Variants in ADAMTSL1 observed in about 807,000 individuals in gnomAD.
ADAMTSL1 encodes ADAMTS-like protein 1.
A neutral mutation model predicts 201.8 loss-of-function variants in ADAMTSL1; 126 were observed. The observed-to-expected ratio is 0.62, with a 90% CI of 0.54 to 0.72. The LOEUF is 0.72. Among genes scored for constraint, ADAMTSL1 ranks in the 30% least tolerant of loss-of-function variants. The pLI is 0.00. For synonymous variants in ADAMTSL1, 1,121 were observed against 903.4 expected (o/e 1.24, Z -4.32); for missense variants, 2,679 against 2,277.8 (o/e 1.18, Z -3.59).
chr9:18,201,695 A>T (rs1829453458), intron 2 of ADAMTSL1, among the ~76,000 whole-genome samples: 1 of 152,140 alleles, frequency 6.6e-6, no homozygotes, highest in South Asian at 2.1e-4. Context: ...CTCTGCTCTC[A>T]TTCTTATAGT....
chr9:18,398,378 G>A (rs1817833143), intron 2 of ADAMTSL1, among the ~76,000 whole-genome samples: 1 of 152,124 alleles, frequency 6.6e-6, no homozygotes, highest in Non-Finnish European at 1.5e-5. Flanking sequence ...ATCAGATACA[G>A]CTATATGCAA....
chr9:17,953,323 A>G (rs956789350), intron 1 of ADAMTSL1, among the ~76,000 whole-genome samples: 1 of 152,212 alleles, frequency 6.6e-6, no homozygotes, highest in South Asian at 2.1e-4. Flanking sequence ...TTCACACTCT[A>G]TTGGCAGAAC....
At chr9:18,101,068 CTCTT>C (rs1824493386) in intron 1 of ADAMTSL1, among the ~76,000 whole-genome samples, 1 of 152,112 alleles carries the variant, frequency 6.6e-6, no homozygotes. Context: ...TCTTTTCTTT[CTCTT>C]TCTGTCATCT....
intron 20 of ADAMTSL1, among the ~76,000 whole-genome samples, chr9:18,813,404 T>C (rs978364762): frequency 6.6e-6 from 1 of 152,228 alleles, no homozygotes. Flanking sequence ...AATCTGTAAA[T>C]TGCTTTGTAC....
At chr9:18,650,270 C>A (rs978270660) in intron 7 of ADAMTSL1, among the ~76,000 whole-genome samples, 5 of 152,180 alleles carry the variant, frequency 3.3e-5, no homozygotes, top group Non-Finnish European at 7.3e-5. Context: ...GTGGGAGTGA[C>A]CCGATTTTCC....
chr9:18,108,168 C>T (rs1824843701), intron 1 of ADAMTSL1, among the ~76,000 whole-genome samples: 1 of 149,396 alleles, frequency 6.7e-6, no homozygotes, highest in Non-Finnish European at 1.5e-5. Context: ...AAAGTATTCA[C>T]GTTAACTCTT....
chr9:18,127,349 A>T (rs1224371842), intron 1 of ADAMTSL1, among the ~76,000 whole-genome samples: 3 of 152,188 alleles, frequency 2.0e-5, no homozygotes, highest in Non-Finnish European at 4.4e-5. Context: ...TGTAATGGTC[A>T]TGTAAAATGA....
chr9:18,392,569 C>G (rs969893775), intron 2 of ADAMTSL1, among the ~76,000 whole-genome samples: 3 of 152,158 alleles, frequency 2.0e-5, no homozygotes, highest in African/African-American at 7.2e-5. Context: ...TTTGAAACTT[C>G]TATCTTTGGC....
At position 18,777,815 on chromosome 9, in the gene ADAMTSL1, C is replaced by A. The variant is rs752827263; in HGVS notation, c.3586C>A (p.Leu1196Met). The A allele has an allele frequency of 6.2e-7, 1 of 1,613,672 alleles. No homozygotes were observed. The highest frequency in any genetic ancestry group is 8.5e-7 in the Non-Finnish European group (1 of 1,179,758). Residue 1196 changes from leucine to methionine, a missense_variant, in exon 19 of 29, where the codon CTG (leucine) becomes ATG (methionine). By Grantham distance (15) the Leu-to-Met change is conservative (BLOSUM62 2). Coordinates refer to ENST00000380548, the MANE Select transcript of ADAMTSL1 (RefSeq NM_001040272.6). ...GQTVALASGT[L>M]SVLLHCEAIG... is the part of the protein sequence containing the mutation. The stretch of plus-strand genomic sequence containing the variant: ...GACGGTGGCCCTGGCCAGCGGGACA[C>A]TGAGTGTTCTTCTGCACTGTGAGGC...
chr9:18,061,791 G>T (rs1208209384), intron 1 of ADAMTSL1, among the ~76,000 whole-genome samples: 1 of 152,116 alleles, frequency 6.6e-6, no homozygotes, highest in African/African-American at 2.4e-5. Flanking sequence ...ATCAGTTTGG[G>T]ACCAGTTTAG....
At position 18,271,625 on chromosome 9, in the gene ADAMTSL1, G is replaced by A. The variant is rs191629512; in HGVS notation, c.207+107644G>A. ...AGTCTTTGGTATTGTGAATAGTGCC[G>A]CAATAAACATACATGTGCATGTGTG... On this transcript the variant is annotated intron_variant, in intron 2 of 29. Transcript: ENST00000680146. 2.6e-4 allele frequency among the ~76,000 whole-genome samples: 40 copies of A among 152,182 alleles called. No homozygotes were observed. In the East Asian group the frequency reaches 5.6e-3, roughly 21 times the overall value.
chr9:18,178,768 C>A (rs1262378799), intron 2 of ADAMTSL1, among the ~76,000 whole-genome samples: 4 of 152,162 alleles, frequency 2.6e-5, no homozygotes, highest in Non-Finnish European at 5.9e-5. Context: ...CAGGGGCAGA[C>A]TGACACCTCA....
intron 5 of ADAMTSL1, among the ~76,000 whole-genome samples, chr9:18,634,880 T>C (rs1827008755): frequency 2.1e-5 from 3 of 141,658 alleles, no homozygotes; most frequent in South Asian, 4.3e-4. Flanking sequence ...TATATTTATA[T>C]ATATAAATAT....
intron 23 of ADAMTSL1, among the ~76,000 whole-genome samples, chr9:18,846,125 T>C (rs1826090986): frequency 6.6e-6 from 1 of 152,144 alleles, no homozygotes; most frequent in Non-Finnish European, 1.5e-5. Context: ...CAAAAAGAAG[T>C]ATTGAGCATC....
chr9:18,730,405 A>G (rs1818141735), intron 15 of ADAMTSL1, among the ~76,000 whole-genome samples: 1 of 152,260 alleles, frequency 6.6e-6, no homozygotes, highest in Non-Finnish European at 1.5e-5. Flanking sequence ...CAGTTCAGGA[A>G]CAGTTCATAC....
At chr9:18,084,448 G>T (rs890604464) in intron 1 of ADAMTSL1, among the ~76,000 whole-genome samples, 1 of 151,952 alleles carries the variant, frequency 6.6e-6, no homozygotes, top group Non-Finnish European at 1.5e-5. Flanking sequence ...CTTGAACCCA[G>T]GAGGCGGAGG....
intron 1 of ADAMTSL1, among the ~76,000 whole-genome samples, chr9:18,502,780 G>C (rs1280744471): frequency 6.6e-6 from 1 of 152,138 alleles, no homozygotes; most frequent in Non-Finnish European, 1.5e-5. Flanking sequence ...CGTACTGTGG[G>C]AAAGTCAGGG....
chr9:18,806,658 T>C (rs1823139179), intron 20 of ADAMTSL1, among the ~76,000 whole-genome samples: 1 of 152,216 alleles, frequency 6.6e-6, no homozygotes, highest in Non-Finnish European at 1.5e-5. Context: ...TTTTTCCCAC[T>C]GAATTTTGAT....
chr9:18,289,398 G>T (rs1237836866), intron 2 of ADAMTSL1, among the ~76,000 whole-genome samples: 2 of 152,184 alleles, frequency 1.3e-5, no homozygotes, highest in East Asian at 3.9e-4. Flanking sequence ...TTGTGGCCCA[G>T]TCAAGTTCAC....
Sources: allele counts gnomAD v4.1 joint callset (sites outside exome capture counted in the v4.1 genomes callset), GRCh38; gene constraint gnomAD v4.1.1; transcripts MANE v1.5; gene names NCBI Gene and HGNC (gene_info 2026-07-23, HGNC 2026-07-21).